TMEM87B: variants seen among roughly 807,000 people sequenced by gnomAD.
The protein encoded by TMEM87B is transmembrane protein 87B.
A neutral mutation model predicts 80.3 loss-of-function variants in TMEM87B; 83 were observed. That is an observed-to-expected ratio of 1.03 (90% CI 0.87 to 1.24). The LOEUF is 1.24. Ranked by LOEUF, TMEM87B falls within the 50% of genes most tolerant of loss-of-function variation. The pLI, the probability that TMEM87B is intolerant of heterozygous loss-of-function variation, is 0.00. For missense variants in TMEM87B, 625 were observed against 674.4 expected, an observed-to-expected ratio of 0.93 and a Z score of 0.81; for synonymous variants, 219 against 230.5, an observed-to-expected ratio of 0.95 and a Z score of 0.45.
At chr2:112,103,172 A>G (rs1679680236) in intron 15 of TMEM87B, among the ~76,000 whole-genome samples, 1 of 152,244 alleles carries the variant, frequency 6.6e-6, no homozygotes, top group South Asian at 2.1e-4. Flanking sequence ...AACTGAAAAC[A>G]ATTGAAGGTG....
intron 17 of TMEM87B, among the ~76,000 whole-genome samples, chr2:112,110,880 C>T (rs1169692740): frequency 6.6e-6 from 1 of 152,142 alleles, no homozygotes; most frequent in Non-Finnish European, 1.5e-5. Context: ...GAGCCCCTTC[C>T]GTGTAGCAGG....
At chr2:112,085,550 C>G (rs1011753406) in intron 8 of TMEM87B, among the ~76,000 whole-genome samples, 4 of 152,206 alleles carry the variant, frequency 2.6e-5, no homozygotes. Flanking sequence ...AGAGTACAAG[C>G]TCCATGAAGG....
At position 112,055,555 on chromosome 2, in the gene TMEM87B, G is replaced by C; in HGVS notation, c.-37G>C. On this transcript the variant is annotated 5_prime_UTR_variant, in exon 1 of 19. Transcript: ENST00000283206. Reference sequence around the variant, plus strand: ...TGCTGCACCAGGTGCGGGTGTGGCAGGCGTCTCGGAGCGCCAGGTGCAGCT... The same window carrying C: ...TGCTGCACCAGGTGCGGGTGTGGCACGCGTCTCGGAGCGCCAGGTGCAGCT... 3 of 1,464,716 alleles carry C rather than the reference G, an allele frequency of 2.0e-6. No homozygotes were observed. The highest frequency in any genetic ancestry group is 2.7e-6 in the Non-Finnish European group (3 of 1,111,966). The allele number at this position is 1,464,716 out of a possible 1,614,324, so 90.7% of individuals were successfully genotyped here.
chr2:112,103,422 A>G (rs1370910759), intron 15 of TMEM87B, among the ~76,000 whole-genome samples: 2 of 152,230 alleles, frequency 1.3e-5, no homozygotes, highest in Non-Finnish European at 2.9e-5. Context: ...TGACTTAAAA[A>G]AAAATACAGT....
intron 5 of TMEM87B, 132 bp downstream of exon 5, chr2:112,075,094 A>G (rs765989359): frequency 2.0e-5 from 28 of 1,376,394 alleles, no homozygotes; most frequent in Admixed American, 7.1e-5. Context: ...AAAAGGAAAC[A>G]TTATTTAAAA....
chr2:112,072,683 C>G (rs947652396), intron 4 of TMEM87B, among the ~76,000 whole-genome samples: 5 of 151,882 alleles, frequency 3.3e-5, no homozygotes, highest in African/African-American at 1.2e-4. Flanking sequence ...ACCTACCTAG[C>G]AGTCTATCTG....
chr2:112,099,525 CATATATATATATATAT>C (rs778514391), intron 14 of TMEM87B, among the ~76,000 whole-genome samples: 10 of 122,820 alleles, frequency 8.1e-5, no homozygotes, highest in Non-Finnish European at 1.1e-4. Flanking sequence ...TACAATAATA[CATATATATATATATAT>C]ATATATATAT....
At chr2:112,096,982 T>G in intron 11 of TMEM87B, 62 bp from the exon 12 acceptor site, 2 of 1,149,452 alleles carry the variant, frequency 1.7e-6, no homozygotes, top group Non-Finnish European at 2.5e-6. Context: ...TAGTAGAAGA[T>G]TCTGTTTTTT....
At chr2:112,061,202 T>A (rs1370180122) in intron 2 of TMEM87B, among the ~76,000 whole-genome samples, 3 of 152,220 alleles carry the variant, frequency 2.0e-5, no homozygotes, top group Non-Finnish European at 4.4e-5. Flanking sequence ...TTTAAGAATT[T>A]CACTGGATTT....
intron 11 of TMEM87B, among the ~76,000 whole-genome samples, chr2:112,093,258 A>G (rs373900496): frequency 2.0e-5 from 3 of 152,288 alleles, no homozygotes; most frequent in African/African-American, 2.4e-5. Flanking sequence ...TGAATTCTCA[A>G]TATGCTTCCA....
intron 11 of TMEM87B, among the ~76,000 whole-genome samples, chr2:112,096,744 C>T (rs932769131): frequency 1.3e-5 from 2 of 152,250 alleles, no homozygotes; most frequent in Non-Finnish European, 2.9e-5. Flanking sequence ...TTAGTGCGTG[C>T]ACTGCTCTAT....
At chr2:112,080,376 C>T (rs1407519150) in intron 6 of TMEM87B, among the ~76,000 whole-genome samples, 4 of 152,118 alleles carry the variant, frequency 2.6e-5, no homozygotes, top group Admixed American at 6.5e-5. Context: ...TCTCCTGCCT[C>T]GGCCTCCCGA....
chr2:112,076,480 C>T (rs1047305910), intron 5 of TMEM87B, among the ~76,000 whole-genome samples: 6 of 151,928 alleles, frequency 3.9e-5, no homozygotes, highest in African/African-American at 1.4e-4. Context: ...GCTGGGACTA[C>T]AGGTGCCTAC....
At chr2:112,064,804 G>A (rs181055090) in intron 3 of TMEM87B, among the ~76,000 whole-genome samples, 28 of 152,304 alleles carry the variant, frequency 1.8e-4, no homozygotes, top group Admixed American at 5.9e-4. Flanking sequence ...GATGATTCTC[G>A]TGATAGTTGC....
intron 15 of TMEM87B, among the ~76,000 whole-genome samples, chr2:112,102,304 A>T (rs1040689243): frequency 1.3e-5 from 2 of 152,228 alleles, no homozygotes; most frequent in Non-Finnish European, 2.9e-5. Flanking sequence ...CTAGCAAAAT[A>T]TAGAAAGACA....
At chr2:112,096,290 G>GC (rs1489216254) in intron 11 of TMEM87B, among the ~76,000 whole-genome samples, 2 of 152,074 alleles carry the variant, frequency 1.3e-5, no homozygotes, top group Non-Finnish European at 2.9e-5. Flanking sequence ...CCAATACACA[G>GC]CCCTCCCGAG....
In TMEM87B at chr2:112,055,293, G is replaced by A; in HGVS notation, c.-299G>A. 2 of 447,202 alleles carry A rather than the reference G, an allele frequency of 4.5e-6. No individual in the cohort carries two copies. The highest frequency in any genetic ancestry group is 6.8e-5 in the South Asian group (2 of 29,610). The allele number at this position is 447,202 out of a possible 1,614,324, so 27.7% of individuals were successfully genotyped here. Reference sequence around the variant, plus strand: ...TATCTTCACGCCCACGCTAGGCCCTGAGCCCAGCCTCCACGTCTCGCCGCC... The same window carrying A: ...TATCTTCACGCCCACGCTAGGCCCTAAGCCCAGCCTCCACGTCTCGCCGCC... On this transcript the variant is annotated 5_prime_UTR_variant, in exon 1 of 19. Coordinates refer to ENST00000283206, the MANE Select transcript of TMEM87B (RefSeq NM_032824.3).
intron 2 of TMEM87B, among the ~76,000 whole-genome samples, chr2:112,063,678 G>T (rs754487776): frequency 3.3e-5 from 5 of 152,272 alleles, no homozygotes; most frequent in Admixed American, 6.5e-5. Flanking sequence ...GCTATGATAG[G>T]TGACCTGCTC....
intron 18 of TMEM87B, among the ~76,000 whole-genome samples, chr2:112,115,423 G>A (rs1241745460): frequency 1.4e-5 from 2 of 140,440 alleles, no homozygotes; most frequent in African/African-American, 2.8e-5. Flanking sequence ...GAAAGATGTA[G>A]CATTACAGAA....
Sources: gnomAD v4.1 joint callset for allele counts (sites outside exome capture counted in the v4.1 genomes callset) on GRCh38, gnomAD v4.1.1 for gene constraint, MANE v1.5 for transcripts, NCBI Gene and HGNC (gene_info 2026-07-23, HGNC 2026-07-21) for gene names.